Variants in ETS1 observed in about 807,000 individuals in gnomAD.
The protein encoded by ETS1 is ETS proto-oncogene 1, transcription factor.
In ETS1, 15 loss-of-function variants were observed where a neutral mutation model predicts 58.6. The observed-to-expected ratio is 0.26, with a 90% CI of 0.17 to 0.39. ETS1 has a LOEUF of 0.39. ETS1 is among the 10% of genes least tolerant of loss of function. ETS1 has a pLI of 1.00. For missense variants in ETS1, 417 were observed against 610.5 expected (o/e 0.68, Z 3.34); for synonymous variants, 214 against 218.2 (o/e 0.98, Z 0.17).
intron 3 of ETS1, among the ~76,000 whole-genome samples, chr11:128,544,558 G>A (rs990493047): frequency 1.4e-4 from 21 of 151,576 alleles, no homozygotes; most frequent in South Asian, 4.2e-4. Flanking sequence ...CCCTCTCCCC[G>A]TCTCCAGAGC....
At chr11:128,553,162 G>A (rs1445873874) in intron 3 of ETS1, among the ~76,000 whole-genome samples, 1 of 152,194 alleles carries the variant, frequency 6.6e-6, no homozygotes, top group Non-Finnish European at 1.5e-5. Flanking sequence ...CATTCATGCA[G>A]AACACCAGCA....
chr11:128,535,930 T>G (rs1215468841), intron 3 of ETS1, among the ~76,000 whole-genome samples: 1 of 152,208 alleles, frequency 6.6e-6, no homozygotes, highest in Non-Finnish European at 1.5e-5. Flanking sequence ...CAAGCAAACA[T>G]TGTCATTCAT....
intron 3 of ETS1, among the ~76,000 whole-genome samples, chr11:128,498,286 G>A (rs1862996212): frequency 6.6e-6 from 1 of 152,024 alleles, no homozygotes; most frequent in African/African-American, 2.4e-5. Context: ...AATGCTTACA[G>A]AAACATCAAG....
chr11:128,519,820 C>T (rs1317809654), intron 3 of ETS1, among the ~76,000 whole-genome samples: 1 of 152,110 alleles, frequency 6.6e-6, no homozygotes, highest in Non-Finnish European at 1.5e-5. Flanking sequence ...ATTTTCCTCT[C>T]TGAGGTATGG....
At chr11:128,571,116 G>T (rs1344318333) in intron 2 of ETS1, among the ~76,000 whole-genome samples, 1 of 151,790 alleles carries the variant, frequency 6.6e-6, no homozygotes, top group Non-Finnish European at 1.5e-5. Context: ...GAGAGTTTTT[G>T]GTTTTTTTTA....
chr11:128,499,272 T>C (rs1863023814), intron 3 of ETS1, among the ~76,000 whole-genome samples: 1 of 152,198 alleles, frequency 6.6e-6, no homozygotes, highest in Admixed American at 6.5e-5. Context: ...TCCTCTGAGA[T>C]CTTGCAGATG....
intron 2 of ETS1, among the ~76,000 whole-genome samples, chr11:128,571,561 C>A (rs966688570): frequency 2.2e-5 from 3 of 134,386 alleles, no homozygotes; most frequent in South Asian, 2.6e-4. Flanking sequence ...CAATTCAGGT[C>A]TTTTAATATA....
At chr11:128,539,806 G>C (rs868651199) in intron 3 of ETS1, among the ~76,000 whole-genome samples, 19 of 152,286 alleles carry the variant, frequency 1.2e-4, no homozygotes, top group Middle Eastern at 3.4e-3. Flanking sequence ...AGGATATACT[G>C]ATGCCTGCTA....
intron 3 of ETS1, among the ~76,000 whole-genome samples, chr11:128,545,295 A>G (rs1041422398): frequency 6.6e-6 from 1 of 152,134 alleles, no homozygotes; most frequent in African/African-American, 2.4e-5. Flanking sequence ...GAAAGCTGGG[A>G]AAGTTTATCG....
chr11:128,573,714 G>A lies in ETS1; in HGVS notation c.-14-570C>T, dbSNP rs568363805. On this transcript the variant is annotated intron_variant, in intron 1 of 9. Coordinates refer to ENST00000392668, the MANE Select transcript of ETS1 (RefSeq NM_001143820.2). The stretch of plus-strand genomic sequence containing the variant: ...AAGGAGAAGGGCTATTAAATAACTT[G>A]TTGAGAGCTATTTTCTACATTGGAA... 1.2e-4 allele frequency among the ~76,000 whole-genome samples: 19 copies of A among 152,276 alleles called. No individual in the cohort carries two copies. The South Asian group carries it at 3.9e-3, about 32-fold the overall frequency.
At position 128,549,076 on chromosome 11, in the gene ETS1, C is replaced by T. The variant is rs1235501585; in HGVS notation, c.214+7215G>A. ...GGCCGCCTCCTCCAGCTGCAGGCTC[C>T]GGGCTGAGACCCCTGGCTGCAGTGC... On this transcript the variant is annotated intron_variant, in intron 3 of 9. Coordinates refer to ENST00000392668, the MANE Select transcript of ETS1 (RefSeq NM_001143820.2). The surrounding 1 kb of genome is among the most constrained non-coding windows in gnomAD (Gnocchi z 4.3). Among the ~76,000 whole-genome samples the T allele has an allele frequency of 6.6e-6, 1 of 152,196 alleles. No homozygotes were observed. Among genetic ancestry groups the T allele is most frequent in the Non-Finnish European group, 1.5e-5 (1 of 68,028 alleles).
chr11:128,575,799 C>T (rs1467947071), intron 1 of ETS1, among the ~76,000 whole-genome samples: 4 of 152,216 alleles, frequency 2.6e-5, no homozygotes, highest in African/African-American at 7.2e-5. Context: ...TATAAATCAT[C>T]CCTAGAGTCC....
chr11:128,547,642 T>G (rs923734074), intron 3 of ETS1, among the ~76,000 whole-genome samples: 1 of 140,972 alleles, frequency 7.1e-6, no homozygotes, highest in African/African-American at 2.7e-5. Context: ...GTTTTTTTGG[T>G]TTTTTTTTTT....
chr11:128,495,964 C>T (rs931146995), intron 3 of ETS1, among the ~76,000 whole-genome samples: 23 of 151,994 alleles, frequency 1.5e-4, no homozygotes, highest in African/African-American at 5.1e-4. Flanking sequence ...CAATACTACC[C>T]GTTTTTATTT....
At chr11:128,583,037 G>A (rs904273830) in intron 1 of ETS1, among the ~76,000 whole-genome samples, 6 of 151,992 alleles carry the variant, frequency 3.9e-5, no homozygotes, top group African/African-American at 9.7e-5. Flanking sequence ...TGAATCACCC[G>A]GGGATCCTGT....
chr11:128,480,712 C>T (rs1006641894), intron 7 of ETS1, among the ~76,000 whole-genome samples: 2 of 152,156 alleles, frequency 1.3e-5, no homozygotes, highest in Admixed American at 6.5e-5. Flanking sequence ...GATTCAGAGT[C>T]AAACGTTGCT....
At chr11:128,494,884 G>C (rs868446766) in intron 3 of ETS1, among the ~76,000 whole-genome samples, 4 of 152,262 alleles carry the variant, frequency 2.6e-5, no homozygotes, top group South Asian at 4.2e-4. Flanking sequence ...AATCCAAGGT[G>C]CATGTCCCAG....
chr11:128,567,021 T>G (rs1591667892), intron 2 of ETS1, among the ~76,000 whole-genome samples: 2 of 152,140 alleles, frequency 1.3e-5, no homozygotes, highest in Non-Finnish European at 2.9e-5. Flanking sequence ...AATCAACCAG[T>G]CGATCAATCA....
intron 8 of ETS1, among the ~76,000 whole-genome samples, chr11:128,469,927 C>T (rs1862140194): frequency 1.3e-5 from 2 of 152,156 alleles, no homozygotes; most frequent in Non-Finnish European, 2.9e-5. Context: ...TAAAGACTCA[C>T]TCTGTGTCAG....
Sources: gnomAD v4.1 joint callset for allele counts (sites outside exome capture counted in the v4.1 genomes callset) on GRCh38, gnomAD v4.1.1 for gene constraint, Gnocchi (gnomAD v3.1) non-coding constraint, MANE v1.5 for transcripts, NCBI Gene and HGNC (gene_info 2026-07-23, HGNC 2026-07-21) for gene names.